THSD7A: variants seen among roughly 807,000 people sequenced by gnomAD.
THSD7A encodes thrombospondin type-1 domain-containing protein 7A.
In THSD7A, 96 loss-of-function variants were observed where a neutral mutation model predicts 231.3. The ratio of observed to expected loss-of-function variants is 0.41; its 90% CI spans 0.35 to 0.49. THSD7A has a LOEUF of 0.49. Ranked by LOEUF, THSD7A falls within the 20% of genes least tolerant of loss-of-function variation. The pLI, the probability that THSD7A is intolerant of heterozygous loss-of-function variation, is 0.05. For synonymous variants in THSD7A, 940 were observed against 743.3 expected (o/e 1.26, Z -4.30); for missense variants, 2,290 against 2,070.2 (o/e 1.11, Z -2.06).
At chr7:11,443,682 CCAA>C (rs1048356838) in intron 13 of THSD7A, among the ~76,000 whole-genome samples, 2 of 151,664 alleles carry the variant, frequency 1.3e-5, no homozygotes, top group Non-Finnish European at 2.9e-5. Flanking sequence ...GATTGATTGC[CCAA>C]CAACGTGAAT....
At chr7:11,820,003 T>C (rs1398725138) in intron 1 of THSD7A, among the ~76,000 whole-genome samples, 1 of 152,094 alleles carries the variant, frequency 6.6e-6, no homozygotes, top group Non-Finnish European at 1.5e-5. Context: ...ATCATTTTAA[T>C]CCAAGCATCG....
chr7:11,471,249 C>A (rs1420937805), intron 8 of THSD7A, among the ~76,000 whole-genome samples: 1 of 151,908 alleles, frequency 6.6e-6, no homozygotes, highest in Non-Finnish European at 1.5e-5. Flanking sequence ...AAAAAATAAT[C>A]TAAACAACTA....
intron 11 of THSD7A, among the ~76,000 whole-genome samples, chr7:11,458,696 T>C (rs1385178432): frequency 6.6e-6 from 1 of 152,096 alleles, no homozygotes; most frequent in Non-Finnish European, 1.5e-5. Flanking sequence ...AAGACCCTTT[T>C]ATCACAGAGG....
At chr7:11,666,084 T>C (rs1022477337) in intron 1 of THSD7A, among the ~76,000 whole-genome samples, 2 of 152,092 alleles carry the variant, frequency 1.3e-5, no homozygotes, top group African/African-American at 4.8e-5. Context: ...TAAATTAAAA[T>C]AGAATATATT....
intron 1 of THSD7A, among the ~76,000 whole-genome samples, chr7:11,747,014 A>G (rs1309737304): frequency 1.3e-5 from 2 of 151,914 alleles, no homozygotes; most frequent in Non-Finnish European, 2.9e-5. Context: ...ATATGGAATA[A>G]AAGTTATTTT....
chr7:11,831,381 C>T lies in THSD7A; in HGVS notation c.190+376G>A, dbSNP rs1032532134. 6.6e-6 allele frequency among the ~76,000 whole-genome samples: 1 copy of T among 152,156 alleles called. No homozygotes were observed. The highest frequency in any genetic ancestry group is 1.5e-5 in the Non-Finnish European group (1 of 68,020). On this transcript the variant is annotated intron_variant, in intron 1 of 27. Transcript: ENST00000423059. The surrounding 1 kb of genome is among the most constrained non-coding windows in gnomAD (Gnocchi z 5.0). ...AAATGTCATGACAGTGAGCATATTG[C>T]TTTGCCTAAAGAATAAAGACTGAGA...
Position 11,589,469 on chromosome 7 carries a change from G to A in THSD7A, c.1453+991C>T, listed in dbSNP as rs180956006. On this transcript the variant is annotated intron_variant, in intron 4 of 27. Transcript: ENST00000423059. ...CTCAAGTGCCACTCCCTCCATAAAGGGCTCTATTTCTACTACTCCCTTACG... is the reference window on the plus strand; with the variant it reads ...CTCAAGTGCCACTCCCTCCATAAAGAGCTCTATTTCTACTACTCCCTTACG... Among the ~76,000 whole-genome samples, 5 of 152,170 alleles carry A rather than the reference G, an allele frequency of 3.3e-5. No individual in the cohort carries two copies. The East Asian group carries it at 9.6e-4, about 29-fold the overall frequency.
chr7:11,445,179 A>G (rs762052582), intron 13 of THSD7A, among the ~76,000 whole-genome samples: 7 of 151,998 alleles, frequency 4.6e-5, no homozygotes, highest in Non-Finnish European at 1.0e-4. Context: ...CTAGCAATTT[A>G]ACTCATCCTT....
chr7:11,592,385 A>T (rs976663785), intron 3 of THSD7A, among the ~76,000 whole-genome samples: 1 of 152,228 alleles, frequency 6.6e-6, no homozygotes, highest in Non-Finnish European at 1.5e-5. Flanking sequence ...GCTCTCAATG[A>T]AGTTCACACA....
intron 4 of THSD7A, 28 bp from the exon 5 acceptor site, chr7:11,543,145 A>ACAAAAATACAGACACATATT: frequency 6.3e-7 from 1 of 1,590,338 alleles, no homozygotes; most frequent in Non-Finnish European, 8.6e-7. Flanking sequence ...CACATATTAA[A>ACAAAAATACAGACACATATT]AAATGAACAA....
At chr7:11,820,343 C>G in intron 1 of THSD7A, 6 of 988,456 alleles carry the variant, frequency 6.1e-6, no homozygotes, top group African/African-American at 1.7e-5. Flanking sequence ...TGTAAATTGT[C>G]CTTCTCTTCT....
intron 2 of THSD7A, among the ~76,000 whole-genome samples, chr7:11,620,644 G>C (rs977347578): frequency 1.3e-5 from 2 of 152,164 alleles, no homozygotes; most frequent in African/African-American, 4.8e-5. Flanking sequence ...GAGGAGGAAA[G>C]GGTAGGGGAA....
intron 6 of THSD7A, among the ~76,000 whole-genome samples, chr7:11,492,202 G>A (rs1013022424): frequency 1.3e-5 from 2 of 152,016 alleles, no homozygotes; most frequent in African/African-American, 4.8e-5. Flanking sequence ...CCATGGACTG[G>A]AAGAGGATGA....
At chr7:11,528,495 G>T (rs1046990519) in intron 6 of THSD7A, among the ~76,000 whole-genome samples, 3 of 152,056 alleles carry the variant, frequency 2.0e-5, no homozygotes, top group Non-Finnish European at 4.4e-5. Context: ...TTTCCTCAAA[G>T]AAAAATCAGG....
chr7:11,815,854 C>G (rs552423109), intron 1 of THSD7A, among the ~76,000 whole-genome samples: 6 of 152,238 alleles, frequency 3.9e-5, no homozygotes, highest in African/African-American at 1.2e-4. Flanking sequence ...TCTCCAAACT[C>G]ATACCCACCC....
chr7:11,725,508 T>A (rs1273056860), intron 1 of THSD7A, among the ~76,000 whole-genome samples: 1 of 152,020 alleles, frequency 6.6e-6, no homozygotes, highest in East Asian at 1.9e-4. Context: ...TAAAGTAATT[T>A]GCCATTAACG....
At chr7:11,584,126 A>T (rs1483288378) in intron 4 of THSD7A, among the ~76,000 whole-genome samples, 1 of 152,158 alleles carries the variant, frequency 6.6e-6, no homozygotes, top group East Asian at 1.9e-4. Flanking sequence ...AAAATGTGTA[A>T]CACTTTTCCT....
chr7:11,771,739 C>T (rs562175380), intron 1 of THSD7A, among the ~76,000 whole-genome samples: 13 of 152,212 alleles, frequency 8.5e-5, no homozygotes, highest in African/African-American at 2.4e-4. Flanking sequence ...CCAAATCTCA[C>T]GTGGAATTGG....
intron 6 of THSD7A, among the ~76,000 whole-genome samples, chr7:11,511,987 G>GCAATTA (rs1252730344): frequency 2.0e-5 from 3 of 152,152 alleles, no homozygotes; most frequent in Non-Finnish European, 4.4e-5. Context: ...TATTATCAGA[G>GCAATTA]TGAACAGGCA....
Sources: allele counts gnomAD v4.1 joint callset (sites outside exome capture counted in the v4.1 genomes callset), GRCh38; gene constraint gnomAD v4.1.1; non-coding constraint Gnocchi (gnomAD v3.1); transcripts MANE v1.5; gene names NCBI Gene and HGNC (gene_info 2026-07-23, HGNC 2026-07-21).